ELOVL4: variants seen among roughly 807,000 people sequenced by gnomAD.
ELOVL4 encodes the protein ELOVL fatty acid elongase 4.
Under a neutral mutation model 42.1 loss-of-function variants are expected in ELOVL4, and 18 were observed. That is an observed-to-expected ratio of 0.43 (90% confidence interval 0.30 to 0.63). ELOVL4 has a LOEUF of 0.63. Ranked by LOEUF, ELOVL4 falls within the 30% of genes least tolerant of loss-of-function variation. The pLI is 0.15. For missense variants in ELOVL4, 299 were observed against 376.2 expected (o/e 0.79, Z 1.70); for synonymous variants, 117 against 127.0 (o/e 0.92, Z 0.53).
At chr6:79,924,881 T>C in intron 3 of ELOVL4, 71 bp downstream of exon 3, 1 of 947,658 alleles carries the variant, frequency 1.1e-6, no homozygotes, top group Non-Finnish European at 1.7e-6. Context: ...GTACATTCTA[T>C]ATTTTCACAG....
chr6:79,916,437 A>G lies in ELOVL4; in HGVS notation c.*171T>C, dbSNP rs943849409. ...TTAAAATAAAAACTTCATAAATAAA[A>G]CATCTGGGTATGGTATTAACACTTT... is the stretch of plus-strand genomic sequence containing the variant. On this transcript the variant is annotated 3_prime_UTR_variant, in exon 6 of 6. Coordinates refer to ENST00000369816, the MANE Select transcript of ELOVL4 (RefSeq NM_022726.4). The G allele has an allele frequency of 2.0e-5, 14 of 712,812 alleles. No homozygotes were observed. The highest frequency in any genetic ancestry group is 3.9e-4 in the Middle Eastern group (1 of 2,556). The allele number at this position is 712,812 out of a possible 1,614,324, so 44.2% of individuals were successfully genotyped here.
intron 2 of ELOVL4, 38 bp from the exon 3 acceptor site, chr6:79,925,070 G>A (rs1774321628): frequency 7.6e-7 from 1 of 1,313,652 alleles, no homozygotes; most frequent in Non-Finnish European, 1.1e-6. Flanking sequence ...TAAAGTTTTA[G>A]TAAACACAGC....
chr6:79,926,546 A>G (rs1482067967), intron 1 of ELOVL4, among the ~76,000 whole-genome samples, 165 bp from the exon 2 acceptor site: 2 of 152,198 alleles, frequency 1.3e-5, no homozygotes, highest in Non-Finnish European at 2.9e-5. Context: ...AACCAAAGAA[A>G]CAATACTGAC....
In ELOVL4 at chr6:79,916,620, T is replaced by C. The variant is rs140983537; in HGVS notation, c.933A>G (p.Ala311=). ...GGCCCAGTTCAATTTAATCTCCTTT[T>C]GCTTTTCCATTTTTCTGCTTTTTTC... ...ENGKKQKNGK[A]KGD Residue 311 remains alanine (A), a synonymous_variant, in exon 6 of 6, where the codon GCA becomes GCG. Transcript: ENST00000369816. The C allele has an allele frequency of 6.2e-7, 1 of 1,613,934 alleles. No individual in the cohort carries two copies. The highest frequency in any genetic ancestry group is 8.5e-7 in the Non-Finnish European group (1 of 1,180,022).
In ELOVL4 at chr6:79,925,237, A is replaced by T. The variant is rs1211138544; in HGVS notation, c.289-205T>A. Among the ~76,000 whole-genome samples, 4 of 152,206 alleles carry T rather than the reference A, an allele frequency of 2.6e-5. No homozygotes were observed. In the East Asian group the frequency reaches 7.7e-4, roughly 29 times the overall value. Reference sequence around the variant, plus strand: ...TCTATAATTAAAATCTAAATTAAAAATCACATGTAAATTTTATACTGAACA... The same window carrying T: ...TCTATAATTAAAATCTAAATTAAAATTCACATGTAAATTTTATACTGAACA... On this transcript the variant is annotated intron_variant, in intron 2 of 5. Transcript: ENST00000369816.
chr6:79,925,814 G>A (rs1278128009), intron 2 of ELOVL4, among the ~76,000 whole-genome samples: 3 of 152,120 alleles, frequency 2.0e-5, no homozygotes, highest in Non-Finnish European at 4.4e-5. Flanking sequence ...ATAAATAGCT[G>A]CTACTGTTTA....
chr6:79,941,804 G>A (rs1346181826), intron 1 of ELOVL4, among the ~76,000 whole-genome samples: 1 of 152,206 alleles, frequency 6.6e-6, no homozygotes, highest in Non-Finnish European at 1.5e-5. Flanking sequence ...GATTAAGAGG[G>A]TCATCTCCTG....
intron 1 of ELOVL4, among the ~76,000 whole-genome samples, chr6:79,934,785 C>T (rs1448968770): frequency 6.6e-6 from 1 of 152,140 alleles, no homozygotes; most frequent in African/African-American, 2.4e-5. Flanking sequence ...ATGTATACAG[C>T]ATCTGACACA....
Position 79,947,487 on chromosome 6 carries a change from T to G in ELOVL4, c.-208A>C. On this transcript the variant is annotated 5_prime_UTR_variant, in exon 1 of 6. Transcript: ENST00000369816. ...GGCCAAGCGGAAGGCGTCGTCAAGG[T>G]TCCCGGGAGAAAGACGAGGAGGTGG... 4.9e-5 allele frequency: 28 copies of G among 569,040 alleles called. No homozygotes were observed. Among genetic ancestry groups the G allele is most frequent in the Non-Finnish European group, 5.7e-5 (18 of 318,070 alleles). The allele number at this position is 569,040 out of a possible 1,614,324, so 35.2% of individuals were successfully genotyped here.
Position 79,940,997 on chromosome 6 carries a change from A to G in ELOVL4, c.100+6183T>C, listed in dbSNP as rs559866027. Among the ~76,000 whole-genome samples the G allele has an allele frequency of 1.0e-4, 15 of 147,890 alleles. No individual in the cohort carries two copies. In the South Asian group the frequency reaches 3.0e-3, roughly 29 times the overall value. On this transcript the variant is annotated intron_variant, in intron 1 of 5. Transcript: ENST00000369816. ...CCTATTTCTTATAAAGCAAATTTTA[A>G]AAAGTAAAAAGAACTAAATAAGAAT...
At chr6:79,927,309 A>G (rs1049859376) in intron 1 of ELOVL4, among the ~76,000 whole-genome samples, 1 of 152,106 alleles carries the variant, frequency 6.6e-6, no homozygotes, top group Non-Finnish European at 1.5e-5. Context: ...GAAGGTTGCA[A>G]ATCTAATTTC....
In ELOVL4 at chr6:79,926,321, G is replaced by C. The variant is rs770362074; in HGVS notation, c.161C>G (p.Thr54Ser). Residue 54 changes from threonine to serine, a missense_variant, in exon 2 of 6, where the codon ACT becomes AGT. Transcript: ENST00000369816. ...CAGCCACACAAACAGGAGATAAAGA[G>C]TGCTTATACTTAGTGTAGGCCAAGG... ...QSPWPTLSIS[T>S]LYLLFVWLGP... 1 of 1,613,894 alleles carries C rather than the reference G, an allele frequency of 6.2e-7. No individual in the cohort carries two copies. The highest frequency in any genetic ancestry group is 1.7e-5 in the Admixed American group (1 of 59,978).
At chr6:79,923,825 A>G (rs563442263) in intron 3 of ELOVL4, among the ~76,000 whole-genome samples, 2 of 152,332 alleles carry the variant, frequency 1.3e-5, no homozygotes, top group Admixed American at 6.5e-5. Context: ...TCATCAGTCC[A>G]TAAGTCTTCT....
intron 1 of ELOVL4, among the ~76,000 whole-genome samples, chr6:79,937,093 G>A (rs1446571248): frequency 6.6e-6 from 1 of 152,176 alleles, no homozygotes; most frequent in Non-Finnish European, 1.5e-5. Context: ...TGGGCAGACA[G>A]GAGGGAACAG....
In ELOVL4 at chr6:79,932,808, T is replaced by G. The variant is rs567954953; in HGVS notation, c.101-6427A>C. Among the ~76,000 whole-genome samples the G allele has an allele frequency of 6.6e-5, 10 of 152,204 alleles. No individual in the cohort carries two copies. The South Asian group carries it at 2.1e-3, about 32-fold the overall frequency. ...AGAATTCAACTGCTATGCAGTGTGA[T>G]GAGTGTTATGTCAGAGGAGTGTCTT... On this transcript the variant is annotated intron_variant, in intron 1 of 5. Coordinates refer to ENST00000369816, the MANE Select transcript of ELOVL4 (RefSeq NM_022726.4).
chr6:79,935,133 G>C (rs555560381), intron 1 of ELOVL4, among the ~76,000 whole-genome samples: 1 of 152,158 alleles, frequency 6.6e-6, no homozygotes, highest in African/African-American at 2.4e-5. Flanking sequence ...TAATCTAATA[G>C]TTTTCAACTA....
At chr6:79,929,925 A>T (rs1055792347) in intron 1 of ELOVL4, among the ~76,000 whole-genome samples, 1 of 152,208 alleles carries the variant, frequency 6.6e-6, no homozygotes, top group African/African-American at 2.4e-5. Flanking sequence ...AATATATTTG[A>T]TGAATAAATA....
At chr6:79,939,951 A>G (rs1774618942) in intron 1 of ELOVL4, among the ~76,000 whole-genome samples, 1 of 152,226 alleles carries the variant, frequency 6.6e-6, no homozygotes, top group Admixed American at 6.5e-5. Context: ...TTTAAGACTG[A>G]ATAATATTCC....
At position 79,934,796 on chromosome 6, in the gene ELOVL4, G is replaced by A. The variant is rs553700540; in HGVS notation, c.101-8415C>T. On this transcript the variant is annotated intron_variant, in intron 1 of 5. Coordinates refer to ENST00000369816, the MANE Select transcript of ELOVL4 (RefSeq NM_022726.4). Reference sequence around the variant, plus strand: ...CAACATGTATACAGCATCTGACACAGTGTCAGAGTTCAATAATTTTTGGCA... The same window carrying A: ...CAACATGTATACAGCATCTGACACAATGTCAGAGTTCAATAATTTTTGGCA... Among the ~76,000 whole-genome samples the A allele has an allele frequency of 3.9e-5, 6 of 152,266 alleles. No individual in the cohort carries two copies. The East Asian group carries it at 9.7e-4, about 25-fold the overall frequency.
Sources: allele counts gnomAD v4.1 joint callset (sites outside exome capture counted in the v4.1 genomes callset), GRCh38; gene constraint gnomAD v4.1.1; transcripts MANE v1.5; gene names NCBI Gene and HGNC (gene_info 2026-07-23, HGNC 2026-07-21).